The following LRP1B variants were observed in gnomAD, a reference collection of about 807,000 sequenced individuals.
LRP1B encodes LDL receptor related protein 1B.
Under a neutral mutation model 556.6 loss-of-function variants are expected in LRP1B, and 217 were observed. The observed-to-expected ratio is 0.39, with a 90% CI of 0.35 to 0.44. The LOEUF is 0.44. LRP1B is among the 20% of genes least tolerant of loss of function. The pLI, the probability that LRP1B is intolerant of heterozygous loss-of-function variation, is 1.00. For missense variants in LRP1B, 5,053 were observed against 5,620.8 expected, an observed-to-expected ratio of 0.90 and a Z score of 3.23; for synonymous variants, 2,047 against 1,865.8, an observed-to-expected ratio of 1.10 and a Z score of -2.50.
intron 1 of LRP1B, among the ~76,000 whole-genome samples, chr2:141,827,297 T>C (rs1447502308): frequency 6.6e-6 from 1 of 152,230 alleles, no homozygotes; most frequent in Non-Finnish European, 1.5e-5. Context: ...GCCCTTTTAC[T>C]TCTGAAATAA....
intron 1 of LRP1B, among the ~76,000 whole-genome samples, chr2:141,987,915 T>C (rs1323523871): frequency 6.6e-6 from 1 of 151,822 alleles, no homozygotes; most frequent in Non-Finnish European, 1.5e-5. Context: ...AATGATTTCA[T>C]AGTCAAATAG....
At chr2:140,430,243 A>G (rs1685862626) in intron 66 of LRP1B, among the ~76,000 whole-genome samples, 1 of 152,162 alleles carries the variant, frequency 6.6e-6, no homozygotes, top group African/African-American at 2.4e-5. Context: ...CAGCAAGGTG[A>G]ACTAGTTGCC....
intron 66 of LRP1B, among the ~76,000 whole-genome samples, chr2:140,403,603 A>G (rs1436017654): frequency 6.6e-6 from 1 of 152,202 alleles, no homozygotes; most frequent in Non-Finnish European, 1.5e-5. Context: ...AGAAATGAAC[A>G]AAGTCTCCAA....
intron 1 of LRP1B, among the ~76,000 whole-genome samples, chr2:142,000,246 C>T (rs1702615006): frequency 1.3e-5 from 2 of 152,132 alleles, no homozygotes; most frequent in Non-Finnish European, 2.9e-5. Context: ...ACTGCTAGCT[C>T]TGTTGGCTCA....
At chr2:140,764,575 T>C (rs748023728) in intron 35 of LRP1B, among the ~76,000 whole-genome samples, 1 of 152,196 alleles carries the variant, frequency 6.6e-6, no homozygotes, top group African/African-American at 2.4e-5. Context: ...ACATTCACTG[T>C]ATAAACGTGG....
chr2:140,765,369 AG>A (rs1318700109), intron 35 of LRP1B, among the ~76,000 whole-genome samples: 1 of 152,168 alleles, frequency 6.6e-6, no homozygotes, highest in Non-Finnish European at 1.5e-5. Flanking sequence ...AAGTACCCCA[AG>A]GGGAGGGAGA....
At chr2:142,003,055 T>C (rs1356266481) in intron 1 of LRP1B, among the ~76,000 whole-genome samples, 1 of 152,216 alleles carries the variant, frequency 6.6e-6, no homozygotes, top group Non-Finnish European at 1.5e-5. Flanking sequence ...AGAGAGCATA[T>C]CAAAGGCTAT....
At position 142,109,181 on chromosome 2, in the gene LRP1B, G is replaced by A. The variant is rs150945654; in HGVS notation, c.82+21467C>T. ...TGTTACATGTGAAGATCAACTTAAA[G>A]AGACTAACAACAACAAAAAGAACAT... On this transcript the variant is annotated intron_variant, in intron 1 of 90. Transcript: ENST00000389484. Among the ~76,000 whole-genome samples, 29 of 152,284 alleles carry A rather than the reference G, an allele frequency of 1.9e-4. No individual in the cohort carries two copies. The East Asian group carries it at 5.6e-3, about 29-fold the overall frequency.
At chr2:141,289,105 C>T (rs933130759) in intron 3 of LRP1B, among the ~76,000 whole-genome samples, 3 of 145,850 alleles carry the variant, frequency 2.1e-5, no homozygotes, top group Non-Finnish European at 4.6e-5. Context: ...CAAATGCGGC[C>T]GGGCGCGGTG....
intron 1 of LRP1B, among the ~76,000 whole-genome samples, chr2:141,836,322 A>G (rs541387989): frequency 6.6e-6 from 1 of 152,166 alleles, no homozygotes; most frequent in Admixed American, 6.5e-5. Context: ...AGATACTTAC[A>G]TAGATTAATT....
At chr2:141,339,338 T>C (rs1017033125) in intron 3 of LRP1B, among the ~76,000 whole-genome samples, 32 of 151,978 alleles carry the variant, frequency 2.1e-4, no homozygotes, top group Middle Eastern at 3.5e-3. Flanking sequence ...CTGAATTTAA[T>C]TGAACATATA....
chr2:141,584,895 G>T (rs1338852482), intron 2 of LRP1B, among the ~76,000 whole-genome samples: 2 of 152,138 alleles, frequency 1.3e-5, no homozygotes, highest in African/African-American at 2.4e-5. Flanking sequence ...CTGGATGTGG[G>T]GAGGGAGAGA....
chr2:140,936,975 G>A (rs1345244401), intron 20 of LRP1B, among the ~76,000 whole-genome samples: 7 of 152,082 alleles, frequency 4.6e-5, no homozygotes, highest in African/African-American at 1.2e-4. Flanking sequence ...TGGAGACAGG[G>A]ATATAAAGAA....
At chr2:140,563,012 T>G (rs1680989458) in intron 43 of LRP1B, among the ~76,000 whole-genome samples, 1 of 152,156 alleles carries the variant, frequency 6.6e-6, no homozygotes, top group Non-Finnish European at 1.5e-5. Flanking sequence ...TAATAACAAT[T>G]CTAGGGTATA....
At chr2:140,573,017 A>G (rs1681387474) in intron 43 of LRP1B, among the ~76,000 whole-genome samples, 1 of 151,698 alleles carries the variant, frequency 6.6e-6, no homozygotes, top group Admixed American at 6.6e-5. Flanking sequence ...GAAAAAGGAG[A>G]TGTCGGTTAA....
At chr2:140,247,497 T>C (rs1681218066) in intron 86 of LRP1B, among the ~76,000 whole-genome samples, 1 of 151,632 alleles carries the variant, frequency 6.6e-6, no homozygotes, top group African/African-American at 2.4e-5. Context: ...AAGTGGCCAC[T>C]TACAAAAATT....
chr2:140,866,620 A>G (rs1467689145), intron 27 of LRP1B, among the ~76,000 whole-genome samples: 2 of 152,230 alleles, frequency 1.3e-5, no homozygotes, highest in South Asian at 2.1e-4. Flanking sequence ...GAAAATAACT[A>G]GATTCAATCA....
At chr2:140,290,722 C>G (rs1237782381) in intron 84 of LRP1B, among the ~76,000 whole-genome samples, 2 of 152,044 alleles carry the variant, frequency 1.3e-5, no homozygotes, top group Non-Finnish European at 2.9e-5. Context: ...GATTAAAGTT[C>G]CTATTAGTGC....
intron 2 of LRP1B, among the ~76,000 whole-genome samples, chr2:141,552,977 A>G (rs1293404923): frequency 1.3e-5 from 2 of 151,946 alleles, no homozygotes; most frequent in African/African-American, 4.8e-5. Flanking sequence ...AGTATGTAGA[A>G]GAAACAATAT....
Sources: gnomAD v4.1 joint callset for allele counts (sites outside exome capture counted in the v4.1 genomes callset) on GRCh38, gnomAD v4.1.1 for gene constraint, MANE v1.5 for transcripts, NCBI Gene and HGNC (gene_info 2026-07-23, HGNC 2026-07-21) for gene names.